Variants in PHC1 observed in about 807,000 individuals in gnomAD.
The protein encoded by PHC1 is polyhomeotic homolog 1.
In PHC1, 12 loss-of-function variants were observed where a neutral mutation model predicts 104.3. That is an observed-to-expected ratio of 0.12 (90% CI 0.07 to 0.19). The LOEUF is 0.19. Among genes scored for constraint, PHC1 ranks in the 10% least tolerant of loss-of-function variants. PHC1 has a pLI of 1.00. For missense variants in PHC1, 671 were observed against 1,200.0 expected (o/e 0.56, Z 6.51); for synonymous variants, 302 against 455.8 (o/e 0.66, Z 4.30).
At position 8,933,946 on chromosome 12, in the gene PHC1, C is replaced by T. The variant is rs773499943; in HGVS notation, c.1975C>T (p.Leu659Phe). 9 of 1,613,468 alleles carry T rather than the reference C, an allele frequency of 5.6e-6. No individual in the cohort carries two copies. Among genetic ancestry groups the T allele is most frequent in the Non-Finnish European group, 7.6e-6 (9 of 1,179,366 alleles). ...TGATGTCTCCACATTGGGTTCAATG[C>T]TTCCTGCCAAGGCATCTCCAGTAGC... ...RDDVSTLGSM[L>F]PAKASPVAES... Residue 659 changes from leucine to phenylalanine, a missense_variant, in exon 9 of 15, where the codon CTT becomes TTT. This residue lies in a region of PHC1 where 95 missense variants were observed against 108.8 expected (regional missense o/e 0.87). Transcript: ENST00000544916.
intron 4 of PHC1, 103 bp downstream of exon 4, chr12:8,921,168 G>C: frequency 1.2e-6 from 1 of 813,168 alleles, no homozygotes; most frequent in Non-Finnish European, 1.9e-6. Context: ...TGAGCCGTCA[G>C]TGGATAGTTA....
rs1275415425 is a variant in PHC1 at position 8,919,431 on chromosome 12, TA to T, written c.115-317del. Among the ~76,000 whole-genome samples, 1 of 152,006 alleles carries T rather than the reference TA, an allele frequency of 6.6e-6. No homozygotes were observed. Among genetic ancestry groups the T allele is most frequent in the South Asian group, 2.1e-4 (1 of 4,816 alleles). ...CATAGCAAGACCCCATCTCTAAAAATAAAAAAAATTAGCTGGACATGGTGGT... is the reference window on the plus strand; with the variant it reads ...CATAGCAAGACCCCATCTCTAAAAATAAAAAAATTAGCTGGACATGGTGGT... On this transcript the variant is annotated intron_variant, in intron 2 of 14. Coordinates refer to ENST00000544916, the MANE Select transcript of PHC1 (RefSeq NM_004426.3). The surrounding 1 kb of genome is among the most constrained non-coding windows in gnomAD (Gnocchi z 4.9).
At chr12:8,938,337 A>C (rs1466508023) in intron 14 of PHC1, among the ~76,000 whole-genome samples, 1 of 152,126 alleles carries the variant, frequency 6.6e-6, no homozygotes, top group Non-Finnish European at 1.5e-5. Context: ...GTAATTAACT[A>C]TGATACCTCC....
chr12:8,927,894 TTTCTTTCTTTCTTTCTTTC>T lies in PHC1; in HGVS notation c.613-2538_613-2520del, dbSNP rs1204124878. Reference sequence around the variant, plus strand: ...CTTTCTTTCTTTCTTTCTTTCTTTCTTTCTTTCTTTCTTTCTTTCTTTTTTTTTTTTTTTGAGACAGAGT... The same window carrying T: ...CTTTCTTTCTTTCTTTCTTTCTTTCTTTTTTTTTTTTTTTTGAGACAGAGT... On this transcript the variant is annotated intron_variant, in intron 6 of 14. Coordinates refer to ENST00000544916, the MANE Select transcript of PHC1 (RefSeq NM_004426.3). Among the ~76,000 whole-genome samples the T allele has an allele frequency of 1.4e-3, 154 of 114,000 alleles. 1 individual carries two copies. The highest frequency in any genetic ancestry group is 4.5e-3 in the Middle Eastern group (1 of 220). 74.8% of individuals were successfully genotyped at this position (114,000 alleles called of 152,430 possible). A position where few individuals can be genotyped will look rare whatever the true frequency, so the allele number is the denominator to read the frequency against.
At position 8,930,767 on chromosome 12, in the gene PHC1, G is replaced by T. The variant is rs1276316101; in HGVS notation, c.945G>T (p.Leu315Phe). ...PRKGTGVVQP[L>F]PAAQTVTVSQ... ...AGGGTACAGGAGTGGTGCAGCCCTT[G>T]CCTGCAGCCCAAACAGTGACTGTGA... The change falls in exon 7 of 15, where the codon TTG becomes TTT. Residue 315 changes from leucine (L) to phenylalanine (F), a missense_variant. Coordinates refer to ENST00000544916, the MANE Select transcript of PHC1 (RefSeq NM_004426.3). 1.4e-6 allele frequency: 2 copies of T among 1,394,194 alleles called. No individual in the cohort carries two copies. Among genetic ancestry groups the T allele is most frequent in the Admixed American group, 2.1e-5 (1 of 47,632 alleles). 86.4% of individuals were successfully genotyped at this position (1,394,194 alleles called of 1,614,324 possible). A position where few individuals can be genotyped will look rare whatever the true frequency, so the allele number is the denominator to read the frequency against.
At chr12:8,914,450 G>A (rs1469465658), upstream of PHC1, 1 of 143,114 alleles carries the variant, frequency 7.0e-6, no homozygotes, top group Non-Finnish European at 1.6e-5. Flanking sequence ...GGGAGGCGGA[G>A]GGACGGCGGG....
At position 8,934,485 on chromosome 12, in the gene PHC1, G is replaced by A. The variant is rs1805772; in HGVS notation, c.2253+7G>A. 246,168 of 1,607,792 alleles carry A rather than the reference G, an allele frequency of 0.15. 20,608 individuals are homozygous for A. Among genetic ancestry groups the A allele is most frequent in the African/African-American group, 0.28 (20,758 of 74,804 alleles). ...AGGAGCAGAACCTTTCCCGGTGAGG[G>A]CAGGGCCATAAGGTGGGACTTTGAA... On this transcript the variant is annotated splice_region_variant and intron_variant, in intron 10 of 14. Transcript: ENST00000544916.
chr12:8,914,620 C>G lies in PHC1; in HGVS notation c.-256C>G, dbSNP rs1056503722. 1 of 150,584 alleles carries G rather than the reference C, an allele frequency of 6.6e-6. No homozygotes were observed. Among genetic ancestry groups the G allele is most frequent in the East Asian group, 2.0e-4 (1 of 5,104 alleles). The allele number at this position is 150,584 out of a possible 1,614,324, so 9.3% of individuals were successfully genotyped here. ...GCTGAGCCGCGGCCGGGCCCGCACC[C>G]GGAGCGGCGGGAGGGGCGGGGAGCC... On this transcript the variant is annotated 5_prime_UTR_variant, in exon 1 of 15. Transcript: ENST00000544916.
At chr12:8,924,688 A>C (rs1213479039) in intron 6 of PHC1, among the ~76,000 whole-genome samples, 2 of 152,206 alleles carry the variant, frequency 1.3e-5, no homozygotes, top group African/African-American at 4.8e-5. Context: ...TATGTGTGGT[A>C]GGCGTTGGAG....
At chr12:8,924,199 G>A (rs1327982813) in intron 6 of PHC1, among the ~76,000 whole-genome samples, 1 of 152,186 alleles carries the variant, frequency 6.6e-6, no homozygotes, top group African/African-American at 2.4e-5. Context: ...AAATTAGGCT[G>A]GGCATGGTGG....
At chr12:8,920,855 C>T (rs1424687199) in intron 3 of PHC1, 130 bp from the exon 4 acceptor site, 6 of 625,170 alleles carry the variant, frequency 9.6e-6, no homozygotes, top group Non-Finnish European at 1.7e-5. Flanking sequence ...CTTTTCTTTA[C>T]CCTAAAGTGG....
chr12:8,924,455 G>A (rs185636474), intron 6 of PHC1, among the ~76,000 whole-genome samples: 35 of 152,280 alleles, frequency 2.3e-4, no homozygotes, highest in African/African-American at 4.6e-4. Flanking sequence ...CAGCCTGGGC[G>A]ACAGAGTGAG....
chr12:8,938,158 G>T, intron 14 of PHC1, 98 bp downstream of exon 14: 1 of 777,078 alleles, frequency 1.3e-6, no homozygotes, highest in Non-Finnish European at 2.2e-6. Flanking sequence ...TTAAGCAGTA[G>T]GAGCTTGAAT....
At chr12:8,923,568 C>T (rs1945425574) in intron 6 of PHC1, among the ~76,000 whole-genome samples, 1 of 152,260 alleles carries the variant, frequency 6.6e-6, no homozygotes, top group East Asian at 1.9e-4. Context: ...GTGGCTCACG[C>T]CTGTAATCCC....
chr12:8,937,721 TGATAA>T (rs1483520576), intron 13 of PHC1, 103 bp from the exon 14 acceptor site: 39 of 754,006 alleles, frequency 5.2e-5, no homozygotes, highest in East Asian at 1.1e-4. Flanking sequence ...ATTTCACATA[TGATAA>T]GATGAGTTTT....
intron 9 of PHC1, 37 bp downstream of exon 9, chr12:8,934,049 C>T (rs746334675): frequency 1.2e-6 from 2 of 1,605,942 alleles, no homozygotes. Context: ...GGAGAGCACA[C>T]AGAGTAGAGG....
Position 8,938,110 on chromosome 12 carries a change from C to A in PHC1, c.2860+50C>A, listed in dbSNP as rs756628795. On this transcript the variant is annotated intron_variant, in intron 14 of 14. Coordinates refer to ENST00000544916, the MANE Select transcript of PHC1 (RefSeq NM_004426.3). ...CCCAGGTTGTTTTCCTTAACATCAT[C>A]CCACAGGGGCCTTGATAAGAGGGAA... 3.6e-5 allele frequency: 45 copies of A among 1,235,036 alleles called. No homozygotes were observed. The South Asian group carries it at 5.1e-4, about 14-fold the overall frequency. The allele number at this position is 1,235,036 out of a possible 1,614,324, so 76.5% of individuals were successfully genotyped here.
Position 8,921,029 on chromosome 12 carries a change from C to G in PHC1, c.270C>G (p.Ser90Arg). ...GGCAGGCCAGCTCCCCAAACACCAG[C>G]ACTACACAGCAGCAGACTACCACCA... ...ASRQASSPNTSTTQQQTTTTQ... is the reference protein window; with the variant it reads ...ASRQASSPNTRTTQQQTTTTQ... The change falls in exon 4 of 15, where the codon AGC becomes AGG. Residue 90 changes from serine (S) to arginine (R), a missense_variant. Ser to Arg is a moderately radical substitution (Grantham distance 110). Around this residue, in one of 9 missense-constraint regions of PHC1, gnomAD observed 237 missense variants for 331.1 expected, o/e 0.72. Coordinates refer to ENST00000544916, the MANE Select transcript of PHC1 (RefSeq NM_004426.3). 6 of 1,613,714 alleles carry G rather than the reference C, an allele frequency of 3.7e-6. No individual in the cohort carries two copies. The highest frequency in any genetic ancestry group is 5.1e-6 in the Non-Finnish European group (6 of 1,179,836).
rs768095941 is a variant in PHC1 at position 8,933,342 on chromosome 12, C to A, written c.1885C>A (p.His629Asn). The part of the protein sequence containing the change: ...VPAAFYMQSV[H>N]LPGKPQTLAV... ...TGCTGCCTTCTATATGCAGTCTGTG[C>A]ACTTGCCGGTGAGTGATGTCTGATG... Residue 629 changes from histidine (H) to asparagine (N), a missense_variant, in exon 8 of 15, where the codon CAC (histidine) becomes AAC (asparagine). Around this residue, in one of 9 missense-constraint regions of PHC1, gnomAD observed 95 missense variants for 108.8 expected, o/e 0.87. Coordinates refer to ENST00000544916, the MANE Select transcript of PHC1 (RefSeq NM_004426.3). The A allele has an allele frequency of 1.2e-5, 19 of 1,553,838 alleles. No homozygotes were observed. The Middle Eastern group carries it at 1.2e-3, about 97-fold the overall frequency.
Sources: allele counts gnomAD v4.1 joint callset (sites outside exome capture counted in the v4.1 genomes callset), GRCh38; gene constraint gnomAD v4.1.1; regional missense constraint gnomAD v4.1.1; non-coding constraint Gnocchi (gnomAD v3.1); transcripts MANE v1.5; gene names NCBI Gene and HGNC (gene_info 2026-07-23, HGNC 2026-07-21).